The following TNR variants were observed in gnomAD, a reference collection of about 807,000 sequenced individuals.
The protein encoded by TNR is tenascin R.
TNR carries 45 observed loss-of-function variants against 150.4 expected under a neutral mutation model. The ratio of observed to expected loss-of-function variants is 0.30; its 90% confidence interval spans 0.24 to 0.38. The LOEUF is 0.38. TNR is among the 10% of genes least tolerant of loss of function. The pLI is 1.00. For synonymous variants in TNR, 687 were observed against 678.4 expected, an observed-to-expected ratio of 1.01 and a Z score of -0.20; for missense variants, 1,544 against 1,759.1, an observed-to-expected ratio of 0.88 and a Z score of 2.19.
At chr1:175,580,268 C>T (rs1419155279) in intron 1 of TNR, among the ~76,000 whole-genome samples, 1 of 152,188 alleles carries the variant, frequency 6.6e-6, no homozygotes, top group Non-Finnish European at 1.5e-5. Context: ...GAAAATGAAG[C>T]CTACCTTTTT....
intron 2 of TNR, among the ~76,000 whole-genome samples, chr1:175,488,200 C>T (rs769028367): frequency 2.0e-5 from 3 of 152,156 alleles, no homozygotes; most frequent in Non-Finnish European, 2.9e-5. Context: ...CCATAAACCC[C>T]GGAAACATGC....
At chr1:175,722,773 T>C (rs1474024456) in intron 1 of TNR, among the ~76,000 whole-genome samples, 1 of 124,282 alleles carries the variant, frequency 8.0e-6, no homozygotes, top group Non-Finnish European at 1.7e-5. Context: ...GGCCTATTTT[T>C]GTTATATATA....
Position 175,386,213 on chromosome 1 carries a change from A to G in TNR, c.1596T>C (p.Asp532=), listed in dbSNP as rs1421968333. 1 of 1,611,386 alleles carries G rather than the reference A, an allele frequency of 6.2e-7. No individual in the cohort carries two copies. Among genetic ancestry groups the G allele is most frequent in the South Asian group, 1.1e-5 (1 of 90,930 alleles). The change falls in exon 8 of 23, where the codon GAT becomes GAC. Residue 532 remains aspartate, a synonymous_variant. Coordinates refer to ENST00000367674, the MANE Select transcript of TNR (RefSeq NM_003285.3). ...VEWIPPRAKV[D]FILLKYGLVG... The stretch of plus-strand genomic sequence containing the variant: ...CCAGGCCATATTTCAAAAGAATGAA[A>G]TCGACTTTGGCTCGAGGGGGAATCC...
chr1:175,349,424 T>C (rs1650953010), intron 18 of TNR, among the ~76,000 whole-genome samples: 1 of 152,228 alleles, frequency 6.6e-6, no homozygotes, highest in Non-Finnish European at 1.5e-5. Context: ...CAAAAGACTA[T>C]ATAGATGCAT....
At chr1:175,491,084 T>C (rs1016608147) in intron 2 of TNR, among the ~76,000 whole-genome samples, 1 of 152,190 alleles carries the variant, frequency 6.6e-6, no homozygotes, top group Non-Finnish European at 1.5e-5. Context: ...ATAGATGGAA[T>C]TGGAAGCCAT....
At chr1:175,484,621 A>G (rs532904442) in intron 2 of TNR, among the ~76,000 whole-genome samples, 1 of 152,038 alleles carries the variant, frequency 6.6e-6, no homozygotes, top group African/African-American at 2.4e-5. Flanking sequence ...TGAAATTTCT[A>G]CTAACCTAAT....
chr1:175,661,307 A>T (rs1477678470), intron 1 of TNR, among the ~76,000 whole-genome samples: 1 of 152,148 alleles, frequency 6.6e-6, no homozygotes, highest in Non-Finnish European at 1.5e-5. Flanking sequence ...AGCCATCCCC[A>T]CTGTACCTGT....
chr1:175,706,558 C>T (rs1453283137), intron 1 of TNR, among the ~76,000 whole-genome samples: 1 of 152,098 alleles, frequency 6.6e-6, no homozygotes, highest in Non-Finnish European at 1.5e-5. Flanking sequence ...GAGCTCTTTC[C>T]CAGCATCTGT....
At chr1:175,736,887 G>C (rs1427708264) in intron 1 of TNR, among the ~76,000 whole-genome samples, 1 of 152,080 alleles carries the variant, frequency 6.6e-6, no homozygotes, top group Admixed American at 6.5e-5. Flanking sequence ...TGGGCATGTA[G>C]GTACATGCCT....
intron 20 of TNR, among the ~76,000 whole-genome samples, chr1:175,334,580 G>A (rs995016798): frequency 7.2e-5 from 11 of 152,176 alleles, no homozygotes; most frequent in Non-Finnish European, 1.5e-4. Flanking sequence ...TTCAGGCAAC[G>A]AAGTGACCCC....
chr1:175,548,779 A>G (rs568889061), intron 1 of TNR, among the ~76,000 whole-genome samples: 1 of 152,282 alleles, frequency 6.6e-6, no homozygotes, highest in South Asian at 2.1e-4. Context: ...ATCTCACTTG[A>G]TTACACTTAG....
intron 1 of TNR, among the ~76,000 whole-genome samples, chr1:175,655,898 TAGG>T (rs1665156589): frequency 6.6e-6 from 1 of 152,074 alleles, no homozygotes; most frequent in Non-Finnish European, 1.5e-5. Flanking sequence ...GGGGAGATGG[TAGG>T]AGGATGCCTG....
At chr1:175,530,948 A>C (rs1482134429) in intron 1 of TNR, among the ~76,000 whole-genome samples, 1 of 152,178 alleles carries the variant, frequency 6.6e-6, no homozygotes, top group African/African-American at 2.4e-5. Flanking sequence ...ACCCAGGCCC[A>C]TGCCAGGCAC....
At chr1:175,639,449 C>G (rs1218494157) in intron 1 of TNR, among the ~76,000 whole-genome samples, 1 of 152,244 alleles carries the variant, frequency 6.6e-6, no homozygotes, top group Non-Finnish European at 1.5e-5. Flanking sequence ...AGTGCTCTCA[C>G]TGAGGTGCCC....
At chr1:175,428,426 G>A (rs1426990031) in intron 2 of TNR, among the ~76,000 whole-genome samples, 2 of 152,142 alleles carry the variant, frequency 1.3e-5, no homozygotes, top group Non-Finnish European at 2.9e-5. Flanking sequence ...TATTGTTAAT[G>A]ATGACAGGAC....
chr1:175,541,023 T>C lies in TNR; in HGVS notation c.-164-12654A>G, dbSNP rs192752168. 2.2e-3 allele frequency among the ~76,000 whole-genome samples: 335 copies of C among 152,156 alleles called. 1 individual carries two copies. Among genetic ancestry groups the C allele is most frequent in the Middle Eastern group, 6.8e-3 (2 of 294 alleles). The stretch of plus-strand genomic sequence containing the variant: ...TGCTTGACTGCATACATATTCCCTA[T>C]CCCCAGGCTTGCTCACCCTGGACAT... On this transcript the variant is annotated intron_variant, in intron 1 of 22. Transcript: ENST00000367674.
intron 1 of TNR, among the ~76,000 whole-genome samples, chr1:175,710,857 A>G (rs1475112795): frequency 1.3e-5 from 2 of 152,092 alleles, no homozygotes; most frequent in Admixed American, 6.5e-5. Flanking sequence ...CATTTCCTGC[A>G]CAATAAAGCA....
chr1:175,396,245 C>T (rs1045964720), intron 5 of TNR, among the ~76,000 whole-genome samples: 1 of 152,238 alleles, frequency 6.6e-6, no homozygotes, highest in Non-Finnish European at 1.5e-5. Flanking sequence ...TTACACTTTC[C>T]TTGACTTCTA....
intron 4 of TNR, among the ~76,000 whole-genome samples, chr1:175,402,036 G>A (rs148461465): frequency 0.03 from 4,639 of 152,162 alleles, 223 homozygotes; most frequent in African/African-American, 0.11. Flanking sequence ...GGCCGGGCGC[G>A]GTGGCTCACG....
Sources: gnomAD v4.1 joint callset for allele counts (sites outside exome capture counted in the v4.1 genomes callset) on GRCh38, gnomAD v4.1.1 for gene constraint, MANE v1.5 for transcripts, NCBI Gene and HGNC (gene_info 2026-07-23, HGNC 2026-07-21) for gene names.